Variants in NECAB2 observed in about 807,000 individuals in gnomAD.
NECAB2 encodes the protein N-terminal EF-hand calcium-binding protein 2.
Under a neutral mutation model 51.9 loss-of-function variants are expected in NECAB2, and 68 were observed. The observed-to-expected ratio is 1.31, with a 90% CI of 1.08 to 1.60. The LOEUF (loss-of-function observed/expected upper bound fraction) is 1.60. NECAB2 is among the 40% of genes most tolerant of loss of function. The pLI, the probability that NECAB2 is intolerant of heterozygous loss-of-function variation, is 0.00. For missense variants in NECAB2, 854 were observed against 490.3 expected (o/e 1.74, Z -7.00); for synonymous variants, 329 against 203.5 (o/e 1.62, Z -5.25).
chr16:83,985,362 C>G (rs550023098), intron 5 of NECAB2, among the ~76,000 whole-genome samples: 1 of 127,822 alleles, frequency 7.8e-6, no homozygotes. Flanking sequence ...CTGCTGGGTG[C>G]GGTGGCTCAC....
chr16:83,998,113 G>A (rs1190888584), intron 9 of NECAB2, 92 bp from the exon 10 acceptor site: 2 of 1,099,702 alleles, frequency 1.8e-6, no homozygotes, highest in African/African-American at 2.0e-5. Context: ...ATTTTATTTT[G>A]ACCGAGGAAG....
intron 5 of NECAB2, among the ~76,000 whole-genome samples, chr16:83,982,300 C>T (rs2084498689): frequency 6.6e-6 from 1 of 152,236 alleles, no homozygotes; most frequent in Admixed American, 6.5e-5. Context: ...TTCCACATTT[C>T]CATTTCTGTC....
Position 83,994,592 on chromosome 16 carries a change from C to G in NECAB2, c.716-17C>G, listed in dbSNP as rs746122559. ...CTGCCCACCACTGAAGTCTGTGTGT[C>G]TCTTTCTCTACCGCAGCCACGGAGG... is the stretch of plus-strand genomic sequence containing the variant. On this transcript the variant is annotated splice_polypyrimidine_tract_variant and intron_variant, in intron 7 of 12. Coordinates refer to ENST00000305202, the MANE Select transcript of NECAB2 (RefSeq NM_019065.3). The G allele has an allele frequency of 1.7e-5, 27 of 1,613,926 alleles. No homozygotes were observed. The highest frequency in any genetic ancestry group is 2.2e-5 in the South Asian group (2 of 91,056).
intron 1 of NECAB2, 167 bp from the exon 2 acceptor site, chr16:83,971,984 T>A (rs117458840): frequency 0.011 from 9,468 of 864,320 alleles, 77 homozygotes; most frequent in South Asian, 0.021. Flanking sequence ...CCTCATCAGT[T>A]CCCCCTGGAT....
At chr16:83,982,976 C>G (rs954146546) in intron 5 of NECAB2, among the ~76,000 whole-genome samples, 3 of 151,586 alleles carry the variant, frequency 2.0e-5, no homozygotes, top group African/African-American at 7.3e-5. Context: ...TTGAGTGATT[C>G]TCCTGCCTCA....
Position 84,001,851 on chromosome 16 carries a change from C to G in NECAB2, c.1067C>G (p.Ala356Gly). ...KRHLQSPLCK[A>G]FRHVKVDTLS... ...CACCTGCAGAGCCCCCTGTGTAAGG[C>G]GTTCCGGCACGTCAAGGTGGACACA... The change falls in exon 12 of 13, where the codon GCG becomes GGG. Residue 356 changes from alanine (A) to glycine (G), a missense_variant. By Grantham distance (60) the Ala-to-Gly change is moderately conservative. Transcript: ENST00000305202. The G allele has an allele frequency of 6.2e-7, 1 of 1,614,130 alleles. No homozygotes were observed. The highest frequency in any genetic ancestry group is 1.6e-4 in the Middle Eastern group (1 of 6,062).
At chr16:83,970,828 C>T (rs1190981728) in intron 1 of NECAB2, among the ~76,000 whole-genome samples, 2 of 152,186 alleles carry the variant, frequency 1.3e-5, no homozygotes, top group Non-Finnish European at 2.9e-5. Flanking sequence ...CGCCGTGGCT[C>T]ACGCCTGTAA....
chr16:83,985,867 C>T (rs1009166804), intron 5 of NECAB2, among the ~76,000 whole-genome samples: 3 of 152,018 alleles, frequency 2.0e-5, no homozygotes, highest in African/African-American at 2.4e-5. Context: ...ATGCTTAAGA[C>T]GATGTGGATT....
At chr16:83,983,158 T>C (rs1402852826) in intron 5 of NECAB2, among the ~76,000 whole-genome samples, 1 of 152,190 alleles carries the variant, frequency 6.6e-6, no homozygotes, top group East Asian at 1.9e-4. Flanking sequence ...TGTGATGTGA[T>C]TGGCATTTCT....
chr16:83,967,514 AGGAT>A (rs1212628070), upstream of NECAB2, among the ~76,000 whole-genome samples: 3 of 44,432 alleles, frequency 6.8e-5, no homozygotes, highest in African/African-American at 9.2e-5. Context: ...GATGGGAGGG[AGGAT>A]GGATGGATGG....
chr16:83,994,193 A>G (rs2084663733), intron 6 of NECAB2, 109 bp from the exon 7 acceptor site: 6 of 963,470 alleles, frequency 6.2e-6, no homozygotes, highest in Non-Finnish European at 9.8e-6. Context: ...AGTTCTGTGC[A>G]TGTGTGAGTC....
Position 84,001,933 on chromosome 16 carries a change from T to A in NECAB2, c.1132+17T>A, listed in dbSNP as rs1457759055. 1 of 1,612,114 alleles carries A rather than the reference T, an allele frequency of 6.2e-7. No homozygotes were observed. ...TGGTGCCAGGTAGGGGGCAAAGGCC[T>A]GGAACTGCAGTGGCCACCTGACTGG... On this transcript the variant is annotated intron_variant, in intron 12 of 12. Transcript: ENST00000305202.
chr16:83,996,028 C>T (rs1029171068), intron 8 of NECAB2, among the ~76,000 whole-genome samples: 13 of 152,224 alleles, frequency 8.5e-5, no homozygotes, highest in Non-Finnish European at 1.3e-4. Context: ...TCCTCCTCCC[C>T]AGCCTCTAAC....
At chr16:83,995,463 G>C (rs776388232) in intron 8 of NECAB2, among the ~76,000 whole-genome samples, 1 of 152,104 alleles carries the variant, frequency 6.6e-6, no homozygotes, top group East Asian at 1.9e-4. Flanking sequence ...GATGTCTCCG[G>C]TTTAGCACAG....
chr16:83,997,411 C>T (rs1210960770), intron 9 of NECAB2, 142 bp downstream of exon 9: 1 of 1,049,130 alleles, frequency 9.5e-7, no homozygotes. Context: ...GCGCTTGGCA[C>T]CCAGACCCTG....
intron 11 of NECAB2, 135 bp from the exon 12 acceptor site, chr16:84,001,690 A>T: frequency 1.1e-6 from 1 of 877,748 alleles, no homozygotes; most frequent in Non-Finnish European, 1.8e-6. Context: ...CCTTCCCACA[A>T]AGGCTCTGAG....
intron 6 of NECAB2, among the ~76,000 whole-genome samples, 183 bp from the exon 7 acceptor site, chr16:83,994,119 C>G (rs929304227): frequency 6.6e-6 from 1 of 152,244 alleles, no homozygotes. Context: ...CTGCGTGGCC[C>G]TGGCTGAGTC....
intron 8 of NECAB2, 42 bp from the exon 9 acceptor site, chr16:83,997,174 G>A (rs893260323): frequency 2.5e-6 from 4 of 1,613,306 alleles, no homozygotes; most frequent in Admixed American, 1.7e-5. Flanking sequence ...GGGGCGGAGT[G>A]GGGCTCTGGG....
In NECAB2 at chr16:83,985,186, G is replaced by A. The variant is rs886289587; in HGVS notation, c.459+4059G>A. The stretch of plus-strand genomic sequence containing the variant: ...AAATTAGCCGAGCGTGGTGGCAGGC[G>A]CCTGTAATCCCAGCTACTTGGGAGG... On this transcript the variant is annotated intron_variant, in intron 5 of 12. Transcript: ENST00000305202. 6.6e-5 allele frequency among the ~76,000 whole-genome samples: 10 copies of A among 151,556 alleles called. No individual in the cohort carries two copies. In the South Asian group the frequency reaches 8.4e-4, roughly 13 times the overall value.
Sources: allele counts gnomAD v4.1 joint callset (sites outside exome capture counted in the v4.1 genomes callset), GRCh38; gene constraint gnomAD v4.1.1; transcripts MANE v1.5; gene names NCBI Gene and HGNC (gene_info 2026-07-23, HGNC 2026-07-21).